HMCN1: variants seen among roughly 807,000 people sequenced by gnomAD.
HMCN1 encodes the protein hemicentin 1.
Under a neutral mutation model 625.9 loss-of-function variants are expected in HMCN1, and 321 were observed. The observed-to-expected ratio is 0.51, with a 90% CI of 0.47 to 0.56. HMCN1 has a LOEUF of 0.56. Among genes scored for constraint, HMCN1 ranks in the 20% least tolerant of loss-of-function variants. The probability of loss-of-function intolerance (pLI) is 0.00; values close to 1 mark genes in which losing one functional copy is unlikely to be tolerated. For missense variants in HMCN1, 6,588 were observed against 6,887.3 expected (o/e 0.96, Z 1.54); for synonymous variants, 2,425 against 2,417.6 (o/e 1.00, Z -0.09).
chr1:186,052,576 G>A (rs1420423998), intron 42 of HMCN1, among the ~76,000 whole-genome samples: 1 of 152,008 alleles, frequency 6.6e-6, no homozygotes, highest in African/African-American at 2.4e-5. Context: ...AAGCTAGCTA[G>A]GCAACAGTGA....
At chr1:185,741,482 T>C (rs1408138482) in intron 1 of HMCN1, among the ~76,000 whole-genome samples, 2 of 152,142 alleles carry the variant, frequency 1.3e-5, no homozygotes, top group Non-Finnish European at 2.9e-5. Context: ...AAGACATACA[T>C]ATAGATGGTA....
chr1:185,976,311 C>T (rs759326245), intron 15 of HMCN1, among the ~76,000 whole-genome samples: 6 of 152,066 alleles, frequency 3.9e-5, no homozygotes, highest in Admixed American at 6.6e-5. Context: ...AAAGGTCAGT[C>T]CTTGCTTGGA....
At chr1:185,931,317 C>A (rs150600375) in intron 10 of HMCN1, among the ~76,000 whole-genome samples, 8 of 152,148 alleles carry the variant, frequency 5.3e-5, no homozygotes, top group Non-Finnish European at 1.0e-4. Context: ...GCTCTTTGTA[C>A]TCCTAGAACA....
At chr1:185,894,130 G>A (rs550489311) in intron 4 of HMCN1, among the ~76,000 whole-genome samples, 11 of 151,068 alleles carry the variant, frequency 7.3e-5, no homozygotes, top group Admixed American at 5.3e-4. Flanking sequence ...GCGAGACTCC[G>A]TGTCAAAAAA....
chr1:185,744,260 C>T (rs539366261), intron 1 of HMCN1, among the ~76,000 whole-genome samples: 17 of 151,958 alleles, frequency 1.1e-4, no homozygotes, highest in African/African-American at 3.4e-4. Context: ...TCCCAAAGTG[C>T]GGGATTACAG....
rs577166967 is a variant in HMCN1, at chr1:186,074,774, G to T, written c.8173G>T (p.Ala2725Ser). 6.2e-7 allele frequency: 1 copy of T among 1,612,932 alleles called. No individual in the cohort carries two copies. Among genetic ancestry groups the T allele is most frequent in the South Asian group, 1.1e-5 (1 of 91,064 alleles). The part of the protein sequence containing the change: ...LKSDDHVNIA[A>S]NGHTLQIKEA... ...ATCCGATGATCATGTTAATATTGCTGCGAATGGACACACACTTCAAATAAA... is the reference window on the plus strand; with the variant it reads ...ATCCGATGATCATGTTAATATTGCTTCGAATGGACACACACTTCAAATAAA... Residue 2725 changes from alanine to serine, a missense_variant, in exon 53 of 107, where the codon GCG (alanine) becomes TCG (serine). By Grantham distance (99) the Ala-to-Ser change is moderately conservative. Coordinates refer to ENST00000271588, the MANE Select transcript of HMCN1 (RefSeq NM_031935.3).
At chr1:185,925,408 T>A (rs1667227738) in intron 9 of HMCN1, among the ~76,000 whole-genome samples, 1 of 152,190 alleles carries the variant, frequency 6.6e-6, no homozygotes, top group Non-Finnish European at 1.5e-5. Flanking sequence ...ATATAATAAA[T>A]GCTTGAACAT....
intron 1 of HMCN1, among the ~76,000 whole-genome samples, chr1:185,830,744 C>G (rs937443722): frequency 6.6e-6 from 1 of 151,872 alleles, no homozygotes; most frequent in Non-Finnish European, 1.5e-5. Flanking sequence ...AAAAATTAGC[C>G]AGGCGTGGTG....
Position 185,990,398 on chromosome 1 carries a change from T to C in HMCN1, c.3332T>C (p.Ile1111Thr), listed in dbSNP as rs754473776. 1 of 1,614,092 alleles carries C rather than the reference T, an allele frequency of 6.2e-7. No homozygotes were observed. The highest frequency in any genetic ancestry group is 1.1e-5 in the South Asian group (1 of 91,086). The change falls in exon 22 of 107, where the codon ATT becomes ACT. Residue 1111 changes from isoleucine to threonine, a missense_variant. By Grantham distance (89) the Ile-to-Thr change is moderately conservative (BLOSUM62 -1). Transcript: ENST00000271588. ...GTGAAGAGCTTACCTCCACCCATAATTACTTGGGCCAAAGAAACCCAGCTC... is the reference window on the plus strand; with the variant it reads ...GTGAAGAGCTTACCTCCACCCATAACTACTTGGGCCAAAGAAACCCAGCTC... ...CEVKSLPPPI[I>T]TWAKETQLIS...
chr1:185,949,538 G>A (rs1390835284), intron 11 of HMCN1, among the ~76,000 whole-genome samples: 1 of 151,838 alleles, frequency 6.6e-6, no homozygotes, highest in African/African-American at 2.4e-5. Flanking sequence ...TCTTGAAGAC[G>A]GAGGACCGTA....
intron 42 of HMCN1, among the ~76,000 whole-genome samples, chr1:186,051,282 A>C (rs1656931626): frequency 6.6e-6 from 1 of 152,066 alleles, no homozygotes; most frequent in Non-Finnish European, 1.5e-5. Context: ...AAGTTGAATC[A>C]ACATGATTAA....
chr1:185,918,163 C>T lies in HMCN1; in HGVS notation c.901-4216C>T, dbSNP rs969250819. On this transcript the variant is annotated intron_variant, in intron 6 of 106. Transcript: ENST00000271588. ...TCTGCAAGCTGGGGAAGAAAGAAGC[C>T]GGTAGTGACTCAGTCCAAGTCCAAA... 5.9e-5 allele frequency among the ~76,000 whole-genome samples: 9 copies of T among 152,174 alleles called. No homozygotes were observed. In the East Asian group the frequency reaches 7.7e-4, roughly 13 times the overall value.
intron 36 of HMCN1, among the ~76,000 whole-genome samples, chr1:186,027,424 A>G (rs1227965133): frequency 6.6e-6 from 1 of 152,238 alleles, no homozygotes; most frequent in Non-Finnish European, 1.5e-5. Flanking sequence ...TCTGCACACA[A>G]TTATTTCCCA....
intron 15 of HMCN1, among the ~76,000 whole-genome samples, chr1:185,972,288 C>T (rs1650887741): frequency 6.6e-6 from 1 of 152,298 alleles, no homozygotes; most frequent in East Asian, 1.9e-4. Flanking sequence ...GCACATGCTT[C>T]TTTGCTTACT....
At chr1:185,774,630 G>A (rs1366731703) in intron 1 of HMCN1, among the ~76,000 whole-genome samples, 1 of 152,104 alleles carries the variant, frequency 6.6e-6, no homozygotes, top group Non-Finnish European at 1.5e-5. Flanking sequence ...TAGCATATAT[G>A]TGTAATCCCC....
At chr1:185,860,458 CA>C (rs1198793848) in intron 2 of HMCN1, among the ~76,000 whole-genome samples, 1 of 152,040 alleles carries the variant, frequency 6.6e-6, no homozygotes, top group African/African-American at 2.4e-5. Context: ...ATGTGTGAGT[CA>C]AAGTGTTTCT....
intron 69 of HMCN1, among the ~76,000 whole-genome samples, chr1:186,104,930 T>C (rs1660543692): frequency 6.6e-6 from 1 of 152,044 alleles, no homozygotes; most frequent in South Asian, 2.1e-4. Context: ...AGGAATAGCA[T>C]GGAGACAGAA....
intron 53 of HMCN1, among the ~76,000 whole-genome samples, 170 bp from the exon 54 acceptor site, chr1:186,076,258 C>T (rs943033751): frequency 4.6e-5 from 7 of 152,106 alleles, no homozygotes; most frequent in South Asian, 2.1e-4. Flanking sequence ...CTCCGACTTT[C>T]GTGTACTACT....
chr1:186,003,535 T>A (rs1051655671), intron 28 of HMCN1, among the ~76,000 whole-genome samples, 183 bp from the exon 29 acceptor site: 1 of 152,172 alleles, frequency 6.6e-6, no homozygotes, highest in Non-Finnish European at 1.5e-5. Context: ...TAAATATGTT[T>A]CTACATTTAA....
Sources: gnomAD v4.1 joint callset for allele counts (sites outside exome capture counted in the v4.1 genomes callset) on GRCh38, gnomAD v4.1.1 for gene constraint, MANE v1.5 for transcripts, NCBI Gene and HGNC (gene_info 2026-07-23, HGNC 2026-07-21) for gene names.